PCDH9: variants seen among roughly 807,000 people sequenced by gnomAD.
PCDH9 encodes protocadherin-9.
In PCDH9, 24 loss-of-function variants were observed where a neutral mutation model predicts 70.6. The ratio of observed to expected loss-of-function variants is 0.34; its 90% CI spans 0.25 to 0.48. The LOEUF (loss-of-function observed/expected upper bound fraction) is 0.48, where lower values mean the gene tolerates loss of function less well. Among genes scored for constraint, PCDH9 ranks in the 20% least tolerant of loss-of-function variants. The pLI, the probability that PCDH9 is intolerant of heterozygous loss-of-function variation, is 0.99. For synonymous variants in PCDH9, 562 were observed against 558.5 expected, an observed-to-expected ratio of 1.01 and a Z score of -0.09; for missense variants, 1,281 against 1,503.6, an observed-to-expected ratio of 0.85 and a Z score of 2.45.
At chr13:66,441,231 CTT>C (rs1464679598) in intron 4 of PCDH9, among the ~76,000 whole-genome samples, 1 of 152,148 alleles carries the variant, frequency 6.6e-6, no homozygotes, top group African/African-American at 2.4e-5. Context: ...GGATGAAACA[CTT>C]TCTCTCCAGG....
chr13:66,843,320 T>G (rs2081147894), intron 3 of PCDH9, among the ~76,000 whole-genome samples: 1 of 151,304 alleles, frequency 6.6e-6, no homozygotes, highest in African/African-American at 2.4e-5. Flanking sequence ...ACTAGGTCTA[T>G]TAAAGAAGTA....
intron 4 of PCDH9, among the ~76,000 whole-genome samples, chr13:66,612,728 C>T (rs752167619): frequency 1.2e-4 from 18 of 152,172 alleles, no homozygotes; most frequent in South Asian, 2.1e-4. Flanking sequence ...CGGGCAGGAG[C>T]CTGGCCTCTC....
chr13:67,035,579 T>C (rs1008125822), intron 2 of PCDH9, among the ~76,000 whole-genome samples: 1 of 148,994 alleles, frequency 6.7e-6, no homozygotes, highest in Non-Finnish European at 1.5e-5. Flanking sequence ...ATTTAAATGA[T>C]ATAGTATAAT....
At chr13:66,923,164 G>A (rs2082663941) in intron 2 of PCDH9, among the ~76,000 whole-genome samples, 1 of 151,306 alleles carries the variant, frequency 6.6e-6, no homozygotes, top group Non-Finnish European at 1.5e-5. Flanking sequence ...TTTGAATAAG[G>A]GGAAACTGGA....
At chr13:66,466,196 T>C (rs968604) in intron 4 of PCDH9, among the ~76,000 whole-genome samples, 72,963 of 150,366 alleles carry the variant, frequency 0.49, 18,413 homozygotes, top group East Asian at 0.65. Context: ...CTCCCTCCTC[T>C]CCTCCCCTCC....
At chr13:66,307,010 A>C (rs1955479995) in intron 4 of PCDH9, among the ~76,000 whole-genome samples, 1 of 152,012 alleles carries the variant, frequency 6.6e-6, no homozygotes, top group Non-Finnish European at 1.5e-5. Flanking sequence ...TTTTCATTTA[A>C]TTACTGACCT....
intron 2 of PCDH9, among the ~76,000 whole-genome samples, chr13:67,008,557 T>G (rs2084395984): frequency 6.6e-6 from 1 of 151,954 alleles, no homozygotes; most frequent in Non-Finnish European, 1.5e-5. Flanking sequence ...TAAATAAGAG[T>G]CAGCATATTC....
At chr13:66,800,273 T>C (rs2080305751) in intron 3 of PCDH9, among the ~76,000 whole-genome samples, 2 of 152,048 alleles carry the variant, frequency 1.3e-5, no homozygotes, top group East Asian at 3.9e-4. Context: ...TCTGAAGTAC[T>C]TTCTCTCATG....
intron 4 of PCDH9, among the ~76,000 whole-genome samples, chr13:66,503,288 G>T (rs981399075): frequency 3.9e-5 from 6 of 152,134 alleles, no homozygotes; most frequent in Non-Finnish European, 5.9e-5. Context: ...TTAAGGCATT[G>T]TTTGGCAAAA....
At chr13:67,136,436 C>A (rs1244618765) in intron 2 of PCDH9, among the ~76,000 whole-genome samples, 1 of 152,160 alleles carries the variant, frequency 6.6e-6, no homozygotes, top group African/African-American at 2.4e-5. Flanking sequence ...GTGCCTGTTT[C>A]TCTTCATGTG....
chr13:66,868,731 C>A (rs1370818649), intron 3 of PCDH9, among the ~76,000 whole-genome samples: 1 of 152,020 alleles, frequency 6.6e-6, no homozygotes, highest in Non-Finnish European at 1.5e-5. Flanking sequence ...GAAATTATGG[C>A]AAGAGTAGAT....
intron 3 of PCDH9, among the ~76,000 whole-genome samples, chr13:66,757,735 A>G (rs558606207): frequency 2.0e-5 from 3 of 152,250 alleles, no homozygotes; most frequent in African/African-American, 7.2e-5. Context: ...TAATTATTCG[A>G]TATCTTCATA....
intron 4 of PCDH9, among the ~76,000 whole-genome samples, chr13:66,509,308 C>T (rs1722738403): frequency 6.6e-6 from 1 of 152,112 alleles, no homozygotes; most frequent in South Asian, 2.1e-4. Flanking sequence ...ATGTCTTTTT[C>T]AAGAACCTGG....
rs544030814 is a variant in PCDH9, at chr13:67,180,949, A to T, written c.3036+44456T>A. Among the ~76,000 whole-genome samples, 3 of 152,244 alleles carry T rather than the reference A, an allele frequency of 2.0e-5. No individual in the cohort carries two copies. In the South Asian group the frequency reaches 6.3e-4, roughly 32 times the overall value. ...TTTAGCACCATCAACTGCAATAAGCATTATCGTTTATAAAGTTAAAGCTCT... is the reference window on the plus strand; with the variant it reads ...TTTAGCACCATCAACTGCAATAAGCTTTATCGTTTATAAAGTTAAAGCTCT... On this transcript the variant is annotated intron_variant, in intron 2 of 4. Transcript: ENST00000377865.
At chr13:66,592,732 T>A (rs192957996) in intron 4 of PCDH9, among the ~76,000 whole-genome samples, 1 of 151,704 alleles carries the variant, frequency 6.6e-6, no homozygotes, top group East Asian at 1.9e-4. Context: ...GTAATATTAG[T>A]GTAGGAAAGT....
chr13:66,966,775 C>T (rs1250047113), intron 2 of PCDH9, among the ~76,000 whole-genome samples: 1 of 151,900 alleles, frequency 6.6e-6, no homozygotes, highest in Non-Finnish European at 1.5e-5. Flanking sequence ...TGCAGTGGCT[C>T]ATCCAATAGA....
intron 2 of PCDH9, among the ~76,000 whole-genome samples, chr13:67,016,182 C>G (rs2139849643): frequency 6.6e-6 from 1 of 152,220 alleles, no homozygotes; most frequent in Admixed American, 6.5e-5. Flanking sequence ...ACTCCTTACA[C>G]TACTCTCCAT....
intron 2 of PCDH9, among the ~76,000 whole-genome samples, chr13:67,143,966 C>T (rs2087459719): frequency 6.6e-6 from 1 of 152,130 alleles, no homozygotes; most frequent in Non-Finnish European, 1.5e-5. Flanking sequence ...TAAACATTGC[C>T]AGGAAGCACA....
At chr13:66,555,603 C>T (rs2210927) in intron 4 of PCDH9, among the ~76,000 whole-genome samples, 125,856 of 151,748 alleles carry the variant, frequency 0.83, 52,431 homozygotes, top group East Asian at 1. Flanking sequence ...TACACATCAA[C>T]GGTCTCCATT....
Sources: allele counts gnomAD v4.1 joint callset (sites outside exome capture counted in the v4.1 genomes callset), GRCh38; gene constraint gnomAD v4.1.1; transcripts MANE v1.5; gene names NCBI Gene and HGNC (gene_info 2026-07-23, HGNC 2026-07-21).